Variants in AHCYL2 observed in about 807,000 individuals in gnomAD.
AHCYL2 encodes S-adenosylhomocysteine hydrolase-like protein 2.
Under a neutral mutation model 81.4 loss-of-function variants are expected in AHCYL2, and 28 were observed. That is an observed-to-expected ratio of 0.34 (90% CI 0.25 to 0.47). The LOEUF is 0.47. Among genes scored for constraint, AHCYL2 ranks in the 20% least tolerant of loss-of-function variants. The probability of loss-of-function intolerance (pLI) is 1.00; values close to 1 mark genes in which losing one functional copy is unlikely to be tolerated. For synonymous variants in AHCYL2, 272 were observed against 290.2 expected (o/e 0.94, Z 0.64); for missense variants, 551 against 785.1 (o/e 0.70, Z 3.56).
intron 1 of AHCYL2, among the ~76,000 whole-genome samples, chr7:129,287,419 T>G (rs1049818707): frequency 6.6e-6 from 1 of 152,202 alleles, no homozygotes; most frequent in African/African-American, 2.4e-5. Context: ...TTAGCCTAAT[T>G]AAGCAGTATA....
At chr7:129,379,802 C>G in intron 2 of AHCYL2, 53 bp downstream of exon 2, 1 of 1,385,056 alleles carries the variant, frequency 7.2e-7, no homozygotes, top group Non-Finnish European at 1.0e-6. Context: ...AGTACGATCT[C>G]AATGGGCCCT....
At chr7:129,295,595 G>T (rs1797025487) in intron 1 of AHCYL2, among the ~76,000 whole-genome samples, 1 of 152,066 alleles carries the variant, frequency 6.6e-6, no homozygotes, top group East Asian at 1.9e-4. Flanking sequence ...TTATAATATA[G>T]AAAAATAAAA....
intron 1 of AHCYL2, chr7:129,375,950 A>T (rs1794665633): frequency 6.5e-7 from 1 of 1,536,076 alleles, no homozygotes; most frequent in Non-Finnish European, 8.7e-7. Context: ...CTTATTTACC[A>T]GTCTTGCCGC....
intron 4 of AHCYL2, among the ~76,000 whole-genome samples, chr7:129,393,886 G>A (rs1795584960): frequency 6.6e-6 from 1 of 152,226 alleles, no homozygotes; most frequent in Non-Finnish European, 1.5e-5. Context: ...AGTTCCAGAA[G>A]GCAAAGAGGG....
intron 1 of AHCYL2, among the ~76,000 whole-genome samples, chr7:129,285,247 CT>C (rs1796587758): frequency 6.6e-6 from 1 of 152,188 alleles, no homozygotes. Context: ...GGGCTGCATT[CT>C]TTTCTTTCTC....
At chr7:129,337,382 G>C (rs185011063) in intron 1 of AHCYL2, among the ~76,000 whole-genome samples, 1 of 151,966 alleles carries the variant, frequency 6.6e-6, no homozygotes, top group South Asian at 2.1e-4. Flanking sequence ...TAGATAGGCC[G>C]TAATTTATTT....
chr7:129,293,402 C>T (rs930577804), intron 1 of AHCYL2, among the ~76,000 whole-genome samples: 1 of 152,024 alleles, frequency 6.6e-6, no homozygotes, highest in African/African-American at 2.4e-5. Context: ...GTAGAAGCCA[C>T]AGATTGATTG....
intron 12 of AHCYL2, among the ~76,000 whole-genome samples, chr7:129,416,572 TGGATCA>T (rs1358160235): frequency 6.6e-6 from 1 of 150,646 alleles, no homozygotes; most frequent in African/African-American, 2.4e-5. Context: ...CCGAGACGGG[TGGATCA>T]CCTGAGGTCA....
intron 13 of AHCYL2, among the ~76,000 whole-genome samples, chr7:129,424,257 G>A (rs55673309): frequency 0.012 from 1,826 of 151,988 alleles, 37 homozygotes; most frequent in African/African-American, 0.042. Context: ...AAAGTTAGCC[G>A]GGCATGGTGG....
chr7:129,338,174 T>C (rs1210379302), intron 1 of AHCYL2, among the ~76,000 whole-genome samples: 2 of 152,148 alleles, frequency 1.3e-5, no homozygotes, highest in East Asian at 3.8e-4. Context: ...TACTTTTTTT[T>C]TTTTAAGAGA....
At chr7:129,345,131 G>A (rs1439526515) in intron 1 of AHCYL2, among the ~76,000 whole-genome samples, 1 of 152,052 alleles carries the variant, frequency 6.6e-6, no homozygotes, top group Non-Finnish European at 1.5e-5. Flanking sequence ...CTCCAGCCTG[G>A]GCCACAGAAA....
At chr7:129,274,832 T>C (rs1796143584) in intron 1 of AHCYL2, among the ~76,000 whole-genome samples, 1 of 152,030 alleles carries the variant, frequency 6.6e-6, no homozygotes, top group South Asian at 2.1e-4. Flanking sequence ...GAAGGAACCA[T>C]GTTGAATAAT....
chr7:129,349,615 G>T (rs1439494307), intron 1 of AHCYL2, among the ~76,000 whole-genome samples: 2 of 133,154 alleles, frequency 1.5e-5, no homozygotes, highest in African/African-American at 2.8e-5. Context: ...TGGCATCATT[G>T]CATTCCAGCC....
chr7:129,293,321 A>C (rs918709061), intron 1 of AHCYL2, among the ~76,000 whole-genome samples: 6 of 152,224 alleles, frequency 3.9e-5, no homozygotes, highest in African/African-American at 1.2e-4. Context: ...CTTAAAGCAC[A>C]TAAAAGTTAT....
At chr7:129,357,132 T>G (rs1170223053) in intron 1 of AHCYL2, among the ~76,000 whole-genome samples, 1 of 152,216 alleles carries the variant, frequency 6.6e-6, no homozygotes, top group Non-Finnish European at 1.5e-5. Context: ...ACTGAGAAGC[T>G]ATCACGGATT....
intron 1 of AHCYL2, among the ~76,000 whole-genome samples, chr7:129,360,305 G>A (rs1793887392): frequency 6.6e-6 from 1 of 151,876 alleles, no homozygotes; most frequent in African/African-American, 2.4e-5. Context: ...TAGTAGAGAC[G>A]GAGTTTCTTC....
At chr7:129,358,440 C>T (rs1173738602) in intron 1 of AHCYL2, among the ~76,000 whole-genome samples, 2 of 152,096 alleles carry the variant, frequency 1.3e-5, no homozygotes, top group African/African-American at 4.8e-5. Flanking sequence ...CTGCCATATG[C>T]TACAATATGG....
At chr7:129,357,076 G>A (rs192572516) in intron 1 of AHCYL2, among the ~76,000 whole-genome samples, 3 of 152,206 alleles carry the variant, frequency 2.0e-5, no homozygotes, top group South Asian at 2.1e-4. Flanking sequence ...GTGTTATTTC[G>A]GGATTCAGTC....
chr7:129,273,024 C>T (rs1380664222), intron 1 of AHCYL2, among the ~76,000 whole-genome samples: 1 of 152,016 alleles, frequency 6.6e-6, no homozygotes, highest in African/African-American at 2.4e-5. Flanking sequence ...CCTCAACCTC[C>T]TGAGTAGCTG....
Sources: gnomAD v4.1 joint callset for allele counts (sites outside exome capture counted in the v4.1 genomes callset) on GRCh38, gnomAD v4.1.1 for gene constraint, MANE v1.5 for transcripts, NCBI Gene and HGNC (gene_info 2026-07-23, HGNC 2026-07-21) for gene names.